The following TLCD4 variants were observed in gnomAD, a reference collection of about 807,000 sequenced individuals.
The protein encoded by TLCD4 is TLC domain-containing protein 4.
In TLCD4, 7 loss-of-function variants were observed where a neutral mutation model predicts 24.2. The observed-to-expected ratio is 0.29, with a 90% CI of 0.16 to 0.54. TLCD4 has a LOEUF of 0.54. Ranked by LOEUF, TLCD4 falls within the 20% of genes least tolerant of loss-of-function variation. TLCD4 has a pLI of 0.95. For missense variants in TLCD4, 259 were observed against 313.9 expected, an observed-to-expected ratio of 0.82 and a Z score of 1.32; for synonymous variants, 103 against 106.4, an observed-to-expected ratio of 0.97 and a Z score of 0.20.
chr1:95,122,609 C>T (rs1306309594), intron 1 of TLCD4, among the ~76,000 whole-genome samples: 1 of 152,130 alleles, frequency 6.6e-6, no homozygotes, highest in South Asian at 2.1e-4. Flanking sequence ...ACAACTCTCC[C>T]CCTATCCCCC....
At chr1:95,168,840 C>T (rs1678112410) in intron 5 of TLCD4, among the ~76,000 whole-genome samples, 1 of 152,140 alleles carries the variant, frequency 6.6e-6, no homozygotes, top group South Asian at 2.1e-4. Context: ...ATGGATATAA[C>T]AGTGAATAAG....
intron 5 of TLCD4, among the ~76,000 whole-genome samples, chr1:95,158,938 T>C (rs148046299): frequency 0.12 from 18,173 of 152,220 alleles, 1,068 homozygotes; most frequent in Middle Eastern, 0.16. Flanking sequence ...TCCAAGTCTT[T>C]GCTATTGTGA....
chr1:95,094,627 G>C, the TLCD4 span, among the ~76,000 whole-genome samples: 2 of 152,144 alleles, frequency 1.3e-5, no homozygotes, highest in African/African-American at 4.8e-5. Flanking sequence ...TTGATCACCA[G>C]AGAGTTTATC....
At chr1:95,151,027 A>G (rs1303243069) in intron 4 of TLCD4, among the ~76,000 whole-genome samples, 1 of 152,174 alleles carries the variant, frequency 6.6e-6, no homozygotes, top group East Asian at 1.9e-4. Flanking sequence ...ATAATGGCAA[A>G]AATCACAGTT....
the TLCD4 span, among the ~76,000 whole-genome samples, chr1:95,109,499 T>A: frequency 6.6e-6 from 1 of 151,466 alleles, no homozygotes; most frequent in African/African-American, 2.4e-5. Context: ...GCATTTTTTT[T>A]TTTTTTGAGA....
chr1:95,145,345 A>C (rs1677315080), intron 2 of TLCD4, among the ~76,000 whole-genome samples: 1 of 152,088 alleles, frequency 6.6e-6, no homozygotes, highest in African/African-American at 2.4e-5. Context: ...CTTTGAACCA[A>C]ATTGTTTTGC....
At chr1:95,139,998 G>A (rs1358769985) in intron 1 of TLCD4, among the ~76,000 whole-genome samples, 2 of 151,986 alleles carry the variant, frequency 1.3e-5, no homozygotes, top group Non-Finnish European at 2.9e-5. Flanking sequence ...AGGTCTTCAG[G>A]GATAATAACA....
At chr1:95,159,414 T>G (rs1677720009) in intron 5 of TLCD4, among the ~76,000 whole-genome samples, 1 of 152,240 alleles carries the variant, frequency 6.6e-6, no homozygotes, top group Admixed American at 6.5e-5. Context: ...ATTAGCCCTT[T>G]GTCAGATGGG....
At chr1:95,166,637 C>G (rs1678025538) in intron 5 of TLCD4, among the ~76,000 whole-genome samples, 1 of 152,208 alleles carries the variant, frequency 6.6e-6, no homozygotes, top group Non-Finnish European at 1.5e-5. Context: ...TGTGTGGTCA[C>G]CCTTGCATCA....
Position 95,149,378 on chromosome 1 carries a change from G to A in TLCD4, c.245+587G>A, listed in dbSNP as rs574019482. ...CAAACTGTTTCCTGGTGTTATATGA[G>A]AAGGCTTAGTTCAGCTTAGTTTGAG... is the stretch of plus-strand genomic sequence containing the variant. On this transcript the variant is annotated intron_variant, in intron 3 of 6. Transcript: ENST00000370203. Among the ~76,000 whole-genome samples, 4 of 152,286 alleles carry A rather than the reference G, an allele frequency of 2.6e-5. No homozygotes were observed. In the East Asian group the frequency reaches 7.7e-4, roughly 29 times the overall value.
intron 1 of TLCD4, among the ~76,000 whole-genome samples, chr1:95,139,012 A>G (rs2100928607): frequency 7.4e-6 from 1 of 135,520 alleles, no homozygotes; most frequent in African/African-American, 2.8e-5. Flanking sequence ...ACATAGTGAG[A>G]CCCAGTCTCT....
At chr1:95,182,069 CTT>C (rs1571782514) in intron 6 of TLCD4, among the ~76,000 whole-genome samples, 1 of 152,234 alleles carries the variant, frequency 6.6e-6, no homozygotes, top group Admixed American at 6.5e-5. Flanking sequence ...TTAGAAAAGT[CTT>C]TAAGTATTGA....
At chr1:95,116,560 G>T (rs934437288), upstream of TLCD4, among the ~76,000 whole-genome samples, 2 of 152,124 alleles carry the variant, frequency 1.3e-5, no homozygotes, top group Non-Finnish European at 2.9e-5. Flanking sequence ...TGCTCTCTGC[G>T]AATTATAATG....
the TLCD4 span, among the ~76,000 whole-genome samples, chr1:95,093,604 A>G: frequency 0.045 from 6,897 of 152,302 alleles, 203 homozygotes; most frequent in African/African-American, 0.079. Context: ...GGGTGTCCCA[A>G]GGGATTGACT....
Position 95,161,947 on chromosome 1 carries a change from C to T in TLCD4, c.399+10528C>T, listed in dbSNP as rs544895329. Among the ~76,000 whole-genome samples the T allele has an allele frequency of 5.3e-5, 8 of 152,090 alleles. No homozygotes were observed. The East Asian group carries it at 5.8e-4, about 11-fold the overall frequency. Reference sequence around the variant, plus strand: ...CTGTGTGGTCAATTTTGGAATAGTGCGATGTGGTGCTGAGAAGAATGTATA... The same window carrying T: ...CTGTGTGGTCAATTTTGGAATAGTGTGATGTGGTGCTGAGAAGAATGTATA... On this transcript the variant is annotated intron_variant, in intron 5 of 6. Coordinates refer to ENST00000370203, the MANE Select transcript of TLCD4 (RefSeq NM_152487.3).
At chr1:95,167,632 G>A (rs1243497362) in intron 5 of TLCD4, among the ~76,000 whole-genome samples, 1 of 152,094 alleles carries the variant, frequency 6.6e-6, no homozygotes, top group African/African-American at 2.4e-5. Flanking sequence ...AAAACCGCTC[G>A]TGGCTTGGAT....
chr1:95,187,859 G>A (rs1678879111), intron 6 of TLCD4, among the ~76,000 whole-genome samples: 2 of 151,964 alleles, frequency 1.3e-5, no homozygotes, highest in African/African-American at 4.8e-5. Flanking sequence ...CTGCAGGGTT[G>A]GTTCTTGGTG....
chr1:95,169,756 A>G (rs1038367029), intron 5 of TLCD4, among the ~76,000 whole-genome samples: 1 of 152,118 alleles, frequency 6.6e-6, no homozygotes, highest in African/African-American at 2.4e-5. Flanking sequence ...GCTCACAGCC[A>G]CACCCTCAAA....
chr1:95,154,746 G>A (rs1307366552), intron 5 of TLCD4, among the ~76,000 whole-genome samples: 1 of 151,638 alleles, frequency 6.6e-6, no homozygotes, highest in Non-Finnish European at 1.5e-5. Context: ...TTACAATTAA[G>A]CAAATAATTA....
Sources: gnomAD v4.1 joint callset for allele counts (sites outside exome capture counted in the v4.1 genomes callset) on GRCh38, gnomAD v4.1.1 for gene constraint, MANE v1.5 for transcripts, NCBI Gene and HGNC (gene_info 2026-07-23, HGNC 2026-07-21) for gene names.